The following DTNB variants were observed in gnomAD, a reference collection of about 807,000 sequenced individuals.
DTNB encodes DTN-B.
Under a neutral mutation model 90.7 loss-of-function variants are expected in DTNB, and 63 were observed. That is an observed-to-expected ratio of 0.69 (90% CI 0.57 to 0.86). The LOEUF (loss-of-function observed/expected upper bound fraction) is 0.86. Among genes scored for constraint, DTNB ranks in the 40% least tolerant of loss-of-function variants. The probability of loss-of-function intolerance (pLI) is 0.00; values close to 1 mark genes in which losing one functional copy is unlikely to be tolerated. For missense variants in DTNB, 744 were observed against 807.1 expected (o/e 0.92, Z 0.95); for synonymous variants, 277 against 286.7 (o/e 0.97, Z 0.34).
chr2:25,591,651 G>T (rs2063594455), intron 6 of DTNB, among the ~76,000 whole-genome samples: 1 of 152,128 alleles, frequency 6.6e-6, no homozygotes. Flanking sequence ...TAGTCTTGGG[G>T]TGCTATAACA....
rs112914607 is a variant in DTNB at position 25,640,556 on chromosome 2, T to C, written c.68-1462A>G. Among the ~76,000 whole-genome samples the C allele has an allele frequency of 3.0e-3, 460 of 152,136 alleles. 2 individuals carry two copies. Among genetic ancestry groups the C allele is most frequent in the African/African-American group, 0.011 (437 of 41,508 alleles). On this transcript the variant is annotated intron_variant, in intron 2 of 20. Coordinates refer to ENST00000406818, the MANE Select transcript of DTNB (RefSeq NM_021907.5). ...CTGGTTCTCACAAAATATTTATCCC[T>C]CTCTCTCTCTGTATTATACAGTCCC...
intron 16 of DTNB, among the ~76,000 whole-genome samples, chr2:25,408,307 C>T (rs1223876010): frequency 1.3e-5 from 2 of 148,776 alleles, no homozygotes; most frequent in East Asian, 2.0e-4. Context: ...GAGACTCTGT[C>T]TCCAAAAAAA....
chr2:25,563,100 C>T (rs1016703939), intron 8 of DTNB, among the ~76,000 whole-genome samples: 3 of 152,196 alleles, frequency 2.0e-5, no homozygotes, highest in Non-Finnish European at 2.9e-5. Flanking sequence ...TAAAATCACA[C>T]AACATAAAAT....
At chr2:25,499,115 GCTGAGGCAGGAGAATCGCTTGAA>G (rs2069774595) in intron 9 of DTNB, among the ~76,000 whole-genome samples, 1 of 151,988 alleles carries the variant, frequency 6.6e-6, no homozygotes, top group Non-Finnish European at 1.5e-5. Flanking sequence ...TACTCGGGAG[GCTGAGGCAGGAGAATCGCTTGAA>G]CCGGGGAGGC....
At chr2:25,378,867 G>C (rs997717497) in intron 20 of DTNB, among the ~76,000 whole-genome samples, 11 of 152,236 alleles carry the variant, frequency 7.2e-5, no homozygotes, top group African/African-American at 1.9e-4. Context: ...ATTCGGTGCA[G>C]TGCTGGGTGA....
intron 1 of DTNB, among the ~76,000 whole-genome samples, chr2:25,664,961 A>G (rs2084072606): frequency 6.6e-6 from 1 of 152,254 alleles, no homozygotes; most frequent in African/African-American, 2.4e-5. Flanking sequence ...ATCAGACCTT[A>G]AATCATGGAG....
intron 5 of DTNB, among the ~76,000 whole-genome samples, chr2:25,602,112 A>G (rs1329585589): frequency 4.0e-5 from 6 of 151,810 alleles, no homozygotes; most frequent in Non-Finnish European, 8.8e-5. Context: ...ACAGAGCAAG[A>G]CTCCATCTCA....
At chr2:25,570,428 A>G (rs2059688454) in intron 8 of DTNB, among the ~76,000 whole-genome samples, 1 of 150,398 alleles carries the variant, frequency 6.6e-6, no homozygotes, top group Admixed American at 6.6e-5. Flanking sequence ...AAAAAAAAAA[A>G]AAAGAAGAAA....
At position 25,531,454 on chromosome 2, in the gene DTNB, C is replaced by T; in HGVS notation, c.1001+19G>A. The T allele has an allele frequency of 3.7e-6, 6 of 1,606,110 alleles. No individual in the cohort carries two copies. The highest frequency in any genetic ancestry group is 5.1e-6 in the Non-Finnish European group (6 of 1,177,428). ...CCCATTTCAGTGTGATCCACATGCA[C>T]ATCCAGGGGTATACTTACACTATAT... On this transcript the variant is annotated intron_variant, in intron 9 of 20. Coordinates refer to ENST00000406818, the MANE Select transcript of DTNB (RefSeq NM_021907.5).
intron 4 of DTNB, among the ~76,000 whole-genome samples, chr2:25,622,780 G>C (rs2073098936): frequency 6.6e-6 from 1 of 152,068 alleles, no homozygotes; most frequent in African/African-American, 2.4e-5. Flanking sequence ...CATACACCAG[G>C]TTTGGAAGCA....
intron 3 of DTNB, 45 bp downstream of exon 3, chr2:25,638,969 G>A (rs1415176229): frequency 6.8e-7 from 1 of 1,476,986 alleles, no homozygotes; most frequent in Non-Finnish European, 9.1e-7. Flanking sequence ...TTCTAATATT[G>A]AGAACTCTAT....
At chr2:25,406,343 C>G (rs1025122738) in intron 16 of DTNB, among the ~76,000 whole-genome samples, 4 of 151,894 alleles carry the variant, frequency 2.6e-5, no homozygotes, top group African/African-American at 9.7e-5. Flanking sequence ...AACAGCCTGA[C>G]CAACATGGAG....
chr2:25,625,881 AG>A (rs1269758260), intron 4 of DTNB, among the ~76,000 whole-genome samples: 2 of 152,156 alleles, frequency 1.3e-5, no homozygotes, highest in Non-Finnish European at 2.9e-5. Context: ...TTAGGTCACG[AG>A]GGGGTCCTCA....
chr2:25,505,488 T>C lies in DTNB; in HGVS notation c.1002-22615A>G, dbSNP rs2072159957. On this transcript the variant is annotated intron_variant, in intron 9 of 20. Coordinates refer to ENST00000406818, the MANE Select transcript of DTNB (RefSeq NM_021907.5). ...TGGTAAACTTTTGCATCCAGCAGCA[T>C]TTTAGTACTTTTTCATTTGTACCCA... Among the ~76,000 whole-genome samples the C allele has an allele frequency of 1.3e-5, 2 of 152,172 alleles. 1 individual carries two copies. Among genetic ancestry groups the C allele is most frequent in the South Asian group, 4.1e-4 (2 of 4,828 alleles).
At chr2:25,447,615 C>T (rs1358693101) in intron 12 of DTNB, among the ~76,000 whole-genome samples, 1 of 151,614 alleles carries the variant, frequency 6.6e-6, no homozygotes, top group Non-Finnish European at 1.5e-5. Context: ...AGTGATTCTC[C>T]TGCCTCAGTT....
chr2:25,434,436 C>CTA (rs2149981674), intron 12 of DTNB, among the ~76,000 whole-genome samples: 1 of 120,504 alleles, frequency 8.3e-6, no homozygotes, highest in South Asian at 2.6e-4. Flanking sequence ...TAAGGTCTTG[C>CTA]TCTATCACAC....
intron 16 of DTNB, among the ~76,000 whole-genome samples, chr2:25,409,966 G>C (rs141214339): frequency 6.6e-6 from 1 of 152,196 alleles, no homozygotes; most frequent in Non-Finnish European, 1.5e-5. Context: ...TCAGATCAAA[G>C]TCCCCTCCTA....
chr2:25,569,063 T>G (rs893704542), intron 8 of DTNB, among the ~76,000 whole-genome samples: 1 of 152,194 alleles, frequency 6.6e-6, no homozygotes, highest in African/African-American at 2.4e-5. Context: ...CCCCAGTGTC[T>G]GTTCCAGCAG....
chr2:25,533,674 C>A (rs547355950), intron 8 of DTNB, among the ~76,000 whole-genome samples: 4 of 152,386 alleles, frequency 2.6e-5, no homozygotes, highest in Admixed American at 1.3e-4. Flanking sequence ...AAGCTGCTCA[C>A]AGTTGACTCA....
Sources: allele counts gnomAD v4.1 joint callset (sites outside exome capture counted in the v4.1 genomes callset), GRCh38; gene constraint gnomAD v4.1.1; transcripts MANE v1.5; gene names NCBI Gene and HGNC (gene_info 2026-07-23, HGNC 2026-07-21).